Variants in STK10 observed in about 807,000 individuals in gnomAD.
The protein encoded by STK10 is serine/threonine-protein kinase 10.
STK10 carries 78 observed loss-of-function variants against 113.8 expected under a neutral mutation model. The ratio of observed to expected loss-of-function variants is 0.69; its 90% CI spans 0.57 to 0.83. STK10 has a LOEUF of 0.83. STK10 is among the 40% of genes least tolerant of loss of function. The probability of loss-of-function intolerance (pLI) is 0.00; values close to 1 mark genes in which losing one functional copy is unlikely to be tolerated. For missense variants in STK10, 1,109 were observed against 1,280.1 expected (o/e 0.87, Z 2.04); for synonymous variants, 465 against 494.7 (o/e 0.94, Z 0.80).
intron 10 of STK10, among the ~76,000 whole-genome samples, chr5:172,086,423 A>G (rs1201950876): frequency 6.6e-6 from 1 of 152,192 alleles, no homozygotes; most frequent in Non-Finnish European, 1.5e-5. Flanking sequence ...AAAAAGCCTA[A>G]AAGGAGTACA....
chr5:172,121,408 C>A (rs1344235575), intron 3 of STK10, among the ~76,000 whole-genome samples: 1 of 152,098 alleles, frequency 6.6e-6, no homozygotes, highest in African/African-American at 2.4e-5. Context: ...CAGTGGATCA[C>A]GGCCCACTGC....
At chr5:172,131,472 G>T (rs1446958694) in intron 2 of STK10, among the ~76,000 whole-genome samples, 2 of 152,206 alleles carry the variant, frequency 1.3e-5, no homozygotes, top group Non-Finnish European at 2.9e-5. Flanking sequence ...CACCAGGAAA[G>T]CTCGTGCATT....
rs184507411 is a variant in STK10, at chr5:172,109,077, G to A, written c.521-1225C>T. ...TGGGATTATAGGCGTGAGCCACTGCGCCCGGCCTTACTGATTACTATTTAT... is the reference window on the plus strand; with the variant it reads ...TGGGATTATAGGCGTGAGCCACTGCACCCGGCCTTACTGATTACTATTTAT... On this transcript the variant is annotated intron_variant, in intron 4 of 18. Transcript: ENST00000176763. 7.4e-4 allele frequency among the ~76,000 whole-genome samples: 113 copies of A among 152,202 alleles called. 1 individual carries two copies. The highest frequency in any genetic ancestry group is 2.5e-3 in the African/African-American group (103 of 41,560).
chr5:172,105,604 G>A lies in STK10; in HGVS notation c.870+52C>T, dbSNP rs1205941908. The A allele has an allele frequency of 3.1e-6, 5 of 1,589,704 alleles. No individual in the cohort carries two copies. The African/African-American group carries it at 6.7e-5, about 21-fold the overall frequency. On this transcript the variant is annotated intron_variant, in intron 7 of 18. Transcript: ENST00000176763. ...TGCCCAGCGTCCAGGTCACTGGTGA[G>A]TTCATTAGGCTCCACCCTTCAGGGA...
chr5:172,050,091 C>T (rs1767595259), intron 18 of STK10, among the ~76,000 whole-genome samples: 1 of 152,268 alleles, frequency 6.6e-6, no homozygotes, highest in East Asian at 1.9e-4. Context: ...GTGTGAGCCA[C>T]CATGCCAGGC....
chr5:172,188,084 C>T lies in STK10; in HGVS notation c.-42G>A. On this transcript the variant is annotated 5_prime_UTR_variant, in exon 1 of 19. Coordinates refer to ENST00000176763, the MANE Select transcript of STK10 (RefSeq NM_005990.4). The surrounding 1 kb of genome is among the most constrained non-coding windows in gnomAD (Gnocchi z 5.6). Reference sequence around the variant, plus strand: ...GCGCCGGCTCGGGCTCGGGCTCGGGCTCGGGCTGTGGCTTCGGCGGCCGCG... The same window carrying T: ...GCGCCGGCTCGGGCTCGGGCTCGGGTTCGGGCTGTGGCTTCGGCGGCCGCG... 1.3e-6 allele frequency: 2 copies of T among 1,596,510 alleles called. 1 individual carries two copies. Among genetic ancestry groups the T allele is most frequent in the South Asian group, 2.2e-5 (2 of 89,662 alleles).
At chr5:172,117,684 T>G in intron 3 of STK10, 54 bp from the exon 4 acceptor site, 1 of 1,603,104 alleles carries the variant, frequency 6.2e-7, no homozygotes, top group South Asian at 1.1e-5. Context: ...CACAGGAAAC[T>G]GAAATGTCAG....
chr5:172,049,394 G>A (rs1351499410), intron 18 of STK10, among the ~76,000 whole-genome samples: 1 of 152,028 alleles, frequency 6.6e-6, no homozygotes, highest in Non-Finnish European at 1.5e-5. Flanking sequence ...ACAGAAGTTG[G>A]CCAAGCAAAG....
At chr5:172,150,494 AAAG>A (rs1470859270) in intron 2 of STK10, among the ~76,000 whole-genome samples, 209 of 151,894 alleles carry the variant, frequency 1.4e-3, no homozygotes, top group African/African-American at 4.6e-3. Context: ...AAAAAAAAAA[AAAG>A]AAAGAAAGAA....
intron 3 of STK10, among the ~76,000 whole-genome samples, chr5:172,121,079 A>G (rs1020539436): frequency 7.1e-6 from 1 of 141,060 alleles, no homozygotes; most frequent in African/African-American, 2.7e-5. Flanking sequence ...CCCAGGCTGG[A>G]GTGCAATGGT....
intron 18 of STK10, among the ~76,000 whole-genome samples, chr5:172,049,399 G>A (rs1382366388): frequency 1.3e-5 from 2 of 152,082 alleles, no homozygotes; most frequent in Non-Finnish European, 2.9e-5. Flanking sequence ...AGTTGGCCAA[G>A]CAAAGGCTGG....
chr5:172,179,159 C>A (rs1356441930), intron 1 of STK10, among the ~76,000 whole-genome samples: 1 of 152,198 alleles, frequency 6.6e-6, no homozygotes, highest in Admixed American at 6.5e-5. Flanking sequence ...ATTTCCTGAG[C>A]CCTTCCTGGG....
chr5:172,122,538 T>C (rs892765134), intron 3 of STK10, among the ~76,000 whole-genome samples: 1 of 152,216 alleles, frequency 6.6e-6, no homozygotes, highest in African/African-American at 2.4e-5. Context: ...AACTACAACA[T>C]TGCAAAGTCC....
At chr5:172,167,705 A>G (rs1334515181) in intron 1 of STK10, among the ~76,000 whole-genome samples, 1 of 152,206 alleles carries the variant, frequency 6.6e-6, no homozygotes, top group Non-Finnish European at 1.5e-5. Flanking sequence ...ATTAATAGAT[A>G]TGAAGCAAAA....
rs558029861 is a variant in STK10, at chr5:172,079,435, T to A, written c.1989+2891A>T. On this transcript the variant is annotated intron_variant, in intron 12 of 18. Coordinates refer to ENST00000176763, the MANE Select transcript of STK10 (RefSeq NM_005990.4). The stretch of plus-strand genomic sequence containing the variant: ...CAGATCTCTAGTCAGCCAGTCTATA[T>A]GCTTCCCTAGCATGTTGGCAACTGT... Among the ~76,000 whole-genome samples the A allele has an allele frequency of 3.9e-5, 6 of 152,244 alleles. No individual in the cohort carries two copies. The East Asian group carries it at 1.2e-3, about 29-fold the overall frequency.
chr5:172,087,109 T>A (rs1768579878), intron 10 of STK10, among the ~76,000 whole-genome samples: 1 of 51,330 alleles, frequency 1.9e-5, no homozygotes, highest in South Asian at 5.9e-4. Flanking sequence ...ATGACACCAG[T>A]GTGTGTGTGT....
At chr5:172,067,561 T>C (rs1275124491) in intron 12 of STK10, among the ~76,000 whole-genome samples, 1 of 152,036 alleles carries the variant, frequency 6.6e-6, no homozygotes, top group Non-Finnish European at 1.5e-5. Context: ...TTAAAGCAGC[T>C]ATTATAACTG....
At chr5:172,168,753 C>G (rs1770614922) in intron 1 of STK10, among the ~76,000 whole-genome samples, 1 of 152,210 alleles carries the variant, frequency 6.6e-6, no homozygotes, top group South Asian at 2.1e-4. Context: ...AGGCCTGGAG[C>G]TCAGCTCTGG....
At chr5:172,135,164 T>G (rs1261161240) in intron 2 of STK10, among the ~76,000 whole-genome samples, 1 of 152,128 alleles carries the variant, frequency 6.6e-6, no homozygotes, top group Middle Eastern at 3.2e-3. Context: ...AGGGCAACAC[T>G]AATCAAAACC....
Sources: gnomAD v4.1 joint callset for allele counts (sites outside exome capture counted in the v4.1 genomes callset) on GRCh38, gnomAD v4.1.1 for gene constraint, Gnocchi (gnomAD v3.1) non-coding constraint, MANE v1.5 for transcripts, NCBI Gene and HGNC (gene_info 2026-07-23, HGNC 2026-07-21) for gene names.